Variants in ABTB2 observed in about 807,000 individuals in gnomAD.
ABTB2 encodes ankyrin repeat and BTB/POZ domain-containing protein 2.
A neutral mutation model predicts 104.1 loss-of-function variants in ABTB2; 56 were observed. The observed-to-expected ratio is 0.54, with a 90% CI of 0.43 to 0.67. ABTB2 has a LOEUF of 0.67. ABTB2 is among the 30% of genes least tolerant of loss of function. ABTB2 has a pLI of 0.00. For synonymous variants in ABTB2, 606 were observed against 608.2 expected, an observed-to-expected ratio of 1.00 and a Z score of 0.05; for missense variants, 1,279 against 1,407.7, an observed-to-expected ratio of 0.91 and a Z score of 1.46.
chr11:34,204,411 G>T, intron 2 of ABTB2, 133 bp downstream of exon 2: 1 of 1,112,802 alleles, frequency 9.0e-7, no homozygotes, highest in Non-Finnish European at 1.2e-6. Flanking sequence ...AGCTTTCAGG[G>T]AAGGCAAGGC....
At chr11:34,210,146 G>A (rs1031526524) in intron 1 of ABTB2, among the ~76,000 whole-genome samples, 7 of 152,152 alleles carry the variant, frequency 4.6e-5, no homozygotes, top group African/African-American at 1.7e-4. Flanking sequence ...GACTTCTAAA[G>A]GGTTTTTAGA....
At position 34,154,927 on chromosome 11, in the gene ABTB2, A is replaced by G. The variant is rs1447301170; in HGVS notation, c.2698-158T>C. Among the ~76,000 whole-genome samples the G allele has an allele frequency of 6.6e-6, 1 of 151,946 alleles. No individual in the cohort carries two copies. The highest frequency in any genetic ancestry group is 1.9e-4 in the East Asian group (1 of 5,180). On this transcript the variant is annotated intron_variant, in intron 14 of 16. Transcript: ENST00000435224. This position sits in a 1 kb window ranked among gnomAD's most constrained non-coding sequence, Gnocchi z 4.9. ...CCCTCCCTCTCCTGCTCAGGCTGAG[A>G]CTTGTGTTTTCCCGGGGAAGCCAAC...
chr11:34,181,480 C>T (rs1278108376), intron 3 of ABTB2, among the ~76,000 whole-genome samples: 1 of 152,126 alleles, frequency 6.6e-6, no homozygotes, highest in Non-Finnish European at 1.5e-5. Context: ...GCCCCAAGCA[C>T]AAGCCTCGGG....
chr11:34,183,326 C>T (rs1274734368), intron 3 of ABTB2, among the ~76,000 whole-genome samples: 3 of 152,218 alleles, frequency 2.0e-5, no homozygotes, highest in African/African-American at 4.8e-5. Flanking sequence ...TCTTGAACCC[C>T]TGGACTCAAG....
intron 2 of ABTB2, among the ~76,000 whole-genome samples, chr11:34,199,074 G>T (rs767558729): frequency 1.6e-4 from 24 of 152,220 alleles, no homozygotes; most frequent in Middle Eastern, 3.2e-3. Context: ...CCTGCACAGG[G>T]TCTGTTACAT....
intron 1 of ABTB2, among the ~76,000 whole-genome samples, chr11:34,262,794 C>T (rs1447425180): frequency 6.6e-6 from 1 of 152,228 alleles, no homozygotes; most frequent in African/African-American, 2.4e-5. Context: ...CACCATCCTA[C>T]TTCCTGCCAC....
At chr11:34,164,278 A>G (rs532975087) in intron 9 of ABTB2, among the ~76,000 whole-genome samples, 17 of 152,286 alleles carry the variant, frequency 1.1e-4, no homozygotes, top group Admixed American at 9.1e-4. Flanking sequence ...GGCAGGGTGC[A>G]ATTTTGCACC....
At chr11:34,339,681 C>A (rs536555962) in intron 1 of ABTB2, among the ~76,000 whole-genome samples, 1 of 152,222 alleles carries the variant, frequency 6.6e-6, no homozygotes, top group South Asian at 2.1e-4. Context: ...TTCTCGGTGC[C>A]ATTTGGATTC....
At chr11:34,239,004 C>G (rs571869417) in intron 1 of ABTB2, among the ~76,000 whole-genome samples, 1 of 152,202 alleles carries the variant, frequency 6.6e-6, no homozygotes, top group Non-Finnish European at 1.5e-5. Context: ...CTGCCTGCTT[C>G]GGCCTCCCAG....
intron 3 of ABTB2, among the ~76,000 whole-genome samples, chr11:34,187,088 C>T (rs1298977245): frequency 6.6e-6 from 1 of 152,200 alleles, no homozygotes; most frequent in Non-Finnish European, 1.5e-5. Flanking sequence ...CCTCAGTCTG[C>T]TCGCTATAAA....
intron 1 of ABTB2, among the ~76,000 whole-genome samples, chr11:34,306,711 G>A (rs1259010027): frequency 6.6e-6 from 1 of 151,734 alleles, no homozygotes; most frequent in Non-Finnish European, 1.5e-5. Context: ...GTGACACAGT[G>A]AGACCCTGTC....
chr11:34,316,104 T>C (rs1028626421), intron 1 of ABTB2, among the ~76,000 whole-genome samples: 2 of 152,260 alleles, frequency 1.3e-5, no homozygotes, highest in African/African-American at 2.4e-5. Flanking sequence ...AAAATGCCGA[T>C]GTTCCTCTGC....
chr11:34,257,423 A>G (rs1390300425), intron 1 of ABTB2, among the ~76,000 whole-genome samples: 4 of 152,170 alleles, frequency 2.6e-5, no homozygotes, highest in African/African-American at 9.7e-5. Context: ...CGGGCACAGA[A>G]CCCAGCCAAG....
At chr11:34,175,290 C>T (rs1441436953) in intron 3 of ABTB2, among the ~76,000 whole-genome samples, 1 of 152,180 alleles carries the variant, frequency 6.6e-6, no homozygotes, top group Non-Finnish European at 1.5e-5. Context: ...ACCAATAAAC[C>T]CATAGTAAGT....
intron 14 of ABTB2, among the ~76,000 whole-genome samples, chr11:34,155,171 C>T (rs1852606126): frequency 6.6e-6 from 1 of 152,240 alleles, no homozygotes; most frequent in South Asian, 2.1e-4. Context: ...CCCCGTGTGG[C>T]TCATTGCTGG....
At chr11:34,236,178 A>T (rs1486711000) in intron 1 of ABTB2, among the ~76,000 whole-genome samples, 1 of 152,206 alleles carries the variant, frequency 6.6e-6, no homozygotes, top group Non-Finnish European at 1.5e-5. Context: ...CTGGAGAAAG[A>T]GGAGGGGAGA....
chr11:34,241,241 T>A (rs1168044318), intron 1 of ABTB2, among the ~76,000 whole-genome samples: 2 of 152,138 alleles, frequency 1.3e-5, no homozygotes, highest in African/African-American at 2.4e-5. Context: ...TGGAAAGTTG[T>A]GTGGACTGAG....
Position 34,357,202 on chromosome 11 carries a change from G to C in ABTB2, c.382C>G (p.Leu128Val), listed in dbSNP as rs1279770564. The C allele has an allele frequency of 5.3e-6, 8 of 1,508,982 alleles. No homozygotes were observed. In the African/African-American group the frequency reaches 1.1e-4, roughly 21 times the overall value. The allele number at this position is 1,508,982 out of a possible 1,614,324, so 93.5% of individuals were successfully genotyped here. A position where few individuals can be genotyped will look rare whatever the true frequency, so the allele number is the denominator to read the frequency against. ...AGTGCCCTGCGGAGCAGCCCGGCCA[G>C]GCGCCTCACCGCCTCGGCGGAGAAC... ...PQFSAEAVRR[L>V]AGLLRRALIR... is the part of the protein sequence containing the mutation. The change falls in exon 1 of 17, where the codon CTG (leucine) becomes GTG (valine). Residue 128 changes from leucine to valine, a missense_variant. Leu to Val is a conservative substitution (Grantham distance 32). Transcript: ENST00000435224.
At chr11:34,297,256 T>G (rs1173463108) in intron 1 of ABTB2, among the ~76,000 whole-genome samples, 4 of 152,218 alleles carry the variant, frequency 2.6e-5, no homozygotes, top group Non-Finnish European at 5.9e-5. Flanking sequence ...CTTTAGTCTT[T>G]GTACCTAGAG....
Sources: allele counts gnomAD v4.1 joint callset (sites outside exome capture counted in the v4.1 genomes callset), GRCh38; gene constraint gnomAD v4.1.1; non-coding constraint Gnocchi (gnomAD v3.1); transcripts MANE v1.5; gene names NCBI Gene and HGNC (gene_info 2026-07-23, HGNC 2026-07-21).